The following DMD variants were observed in gnomAD, a reference collection of about 807,000 sequenced individuals.
The protein encoded by DMD is mutant dystrophin.
A neutral mutation model predicts 330.1 loss-of-function variants in DMD; 63 were observed. The ratio of observed to expected loss-of-function variants is 0.19; its 90% CI spans 0.16 to 0.24. The LOEUF (loss-of-function observed/expected upper bound fraction) is 0.24. Among genes scored for constraint, DMD ranks in the 10% least tolerant of loss-of-function variants. DMD has a pLI of 1.00. For missense variants in DMD, 3,344 were observed against 2,684.1 expected, an observed-to-expected ratio of 1.25 and a Z score of -5.43; for synonymous variants, 1,223 against 959.8, an observed-to-expected ratio of 1.27 and a Z score of -5.07.
chrX:32,880,987 G>A (rs1485910708), intron 2 of DMD, among the ~76,000 whole-genome samples: 1 of 112,826 alleles, frequency 8.9e-6, no homozygotes, highest in Non-Finnish European at 1.9e-5. Context: ...TTTCAAACCT[G>A]TAATCTGATG....
intron 9 of DMD, among the ~76,000 whole-genome samples, chrX:32,667,163 T>G (rs1431263017): frequency 9.0e-6 from 1 of 111,432 alleles, no homozygotes; most frequent in East Asian, 2.8e-4. Context: ...AATTTAAACC[T>G]TGGATGACAT....
At chrX:33,300,825 A>T (rs2053650465) in intron 1 of DMD, among the ~76,000 whole-genome samples, 1 of 111,918 alleles carries the variant, frequency 8.9e-6, no homozygotes, top group African/African-American at 3.2e-5. Flanking sequence ...TTTTGGCAGT[A>T]ATTGCTGTCT....
At chrX:32,388,789 T>C (rs1056466533) in intron 32 of DMD, among the ~76,000 whole-genome samples, 7 of 111,101 alleles carry the variant, frequency 6.3e-5, no homozygotes, top group African/African-American at 2.0e-4. Flanking sequence ...GTTATAATAA[T>C]ACTTATGTTA....
At chrX:32,860,698 T>C (rs2082012406) in intron 2 of DMD, among the ~76,000 whole-genome samples, 2 of 110,907 alleles carry the variant, frequency 1.8e-5, no homozygotes, top group South Asian at 3.9e-4. Context: ...GCTCAATGAA[T>C]TGTCACAAAC....
intron 18 of DMD, among the ~76,000 whole-genome samples, chrX:32,503,907 G>C (rs758178238): frequency 1.8e-5 from 2 of 111,822 alleles, no homozygotes; most frequent in African/African-American, 6.5e-5. Context: ...CTAAGTGGGA[G>C]ACCTGACGAT....
rs1380584301 is a variant in DMD at position 31,317,656 on chromosome X, C to T, written c.9224+5942G>A. ...CCTCCCAAGTAGCTGGGACTACAGG[C>T]GCCCGCCACCACGCCCAGCTAATTT... On this transcript the variant is annotated intron_variant, in intron 62 of 78. Coordinates refer to ENST00000357033, the MANE Select transcript of DMD (RefSeq NM_004006.3). Among the ~76,000 whole-genome samples, 8 of 109,104 alleles carry T rather than the reference C, an allele frequency of 7.3e-5. No individual in the cohort carries two copies. The East Asian group carries it at 8.6e-4, about 12-fold the overall frequency. 94.7% of individuals were successfully genotyped at this position (109,104 alleles called of 115,157 possible).
intron 55 of DMD, among the ~76,000 whole-genome samples, chrX:31,526,183 A>G (rs1171608544): frequency 2.7e-5 from 3 of 112,477 alleles, no homozygotes; most frequent in Non-Finnish European, 3.8e-5. Flanking sequence ...AAGTGTTTCC[A>G]TGTTTCCGAA....
intron 50 of DMD, among the ~76,000 whole-genome samples, chrX:31,804,344 G>A (rs1343142283): frequency 2.7e-5 from 3 of 111,447 alleles, no homozygotes; most frequent in East Asian, 2.8e-4. Context: ...TTGTTTCCAC[G>A]TGCCAAGTAT....
chrX:33,200,005 T>C (rs1603412332), intron 1 of DMD, among the ~76,000 whole-genome samples: 2 of 111,207 alleles, frequency 1.8e-5, no homozygotes, highest in African/African-American at 6.5e-5. Flanking sequence ...GAAAAGAGAA[T>C]CTCAATATCT....
rs768043881 is a variant in DMD, at chrX:32,839,323, C to A, written c.264+5460G>T. Among the ~76,000 whole-genome samples, 5 of 111,774 alleles carry A rather than the reference C, an allele frequency of 4.5e-5. No homozygotes were observed. In the East Asian group the frequency reaches 1.4e-3, roughly 32 times the overall value. On this transcript the variant is annotated intron_variant, in intron 4 of 78. Transcript: ENST00000357033. Reference sequence around the variant, plus strand: ...AATTCCAAGGCTCACTCCCTTTCTCCAGGTCTCTGCTCATATAGGAACTGA... The same window carrying A: ...AATTCCAAGGCTCACTCCCTTTCTCAAGGTCTCTGCTCATATAGGAACTGA...
At chrX:32,336,908 T>C (rs888956468) in intron 41 of DMD, among the ~76,000 whole-genome samples, 2 of 111,445 alleles carry the variant, frequency 1.8e-5, no homozygotes, top group East Asian at 5.7e-4. Context: ...AAAGTGTGAG[T>C]AACAGAAGTG....
chrX:32,408,190 T>C (rs1377324925), intron 30 of DMD, among the ~76,000 whole-genome samples: 1 of 111,992 alleles, frequency 8.9e-6, no homozygotes, highest in African/African-American at 3.2e-5. Context: ...CAACACATGC[T>C]GTTACATCCT....
rs72468654 is a variant in DMD at position 32,412,495 on chromosome X, T to A, written c.4072-582A>T. 5.1e-3 allele frequency among the ~76,000 whole-genome samples: 573 copies of A among 112,413 alleles called. 5 individuals carry two copies. The highest frequency in any genetic ancestry group is 0.018 in the African/African-American group (555 of 31,001). On this transcript the variant is annotated intron_variant, in intron 29 of 78. Coordinates refer to ENST00000357033, the MANE Select transcript of DMD (RefSeq NM_004006.3). ...TTCACAATTTGGATTACAGAAATTG[T>A]TTGTACAATTGGGTTTATGTTACTG...
intron 76 of DMD, among the ~76,000 whole-genome samples, chrX:31,145,240 T>C (rs1305925212): frequency 8.9e-6 from 1 of 112,198 alleles, no homozygotes; most frequent in Non-Finnish European, 1.9e-5. Flanking sequence ...GCATTTATAG[T>C]GACCCAATGG....
chrX:32,400,416 TC>T (rs1245253530), intron 30 of DMD, among the ~76,000 whole-genome samples: 11 of 111,503 alleles, frequency 9.9e-5, no homozygotes, highest in African/African-American at 3.6e-4. Context: ...GGTCTAAAAT[TC>T]TCTTTTTTGG....
chrX:31,120,911 G>C lies in DMD; in HGVS notation c.*1008C>G, dbSNP rs767629745. On this transcript the variant is annotated 3_prime_UTR_variant, in exon 79 of 79. Transcript: ENST00000357033. ...AACCAACCAACCGATTACTCACTCT[G>C]ATATAATAAGTCCTGTGTATTCATT... 9.0e-6 allele frequency: 1 copy of C among 110,956 alleles called. No individual in the cohort carries two copies. The highest frequency in any genetic ancestry group is 2.8e-4 in the East Asian group (1 of 3,555). 9.1% of individuals were successfully genotyped at this position (110,956 alleles called of 1,213,427 possible).
chrX:32,075,147 G>A (rs942440232), intron 44 of DMD, among the ~76,000 whole-genome samples: 1 of 111,790 alleles, frequency 8.9e-6, no homozygotes, highest in Non-Finnish European at 1.9e-5. Context: ...TCATTTTTCT[G>A]TCTCATTTCC....
intron 50 of DMD, among the ~76,000 whole-genome samples, chrX:31,815,220 C>G (rs780839731): frequency 1.8e-5 from 2 of 112,176 alleles, no homozygotes; most frequent in South Asian, 7.4e-4. Context: ...GAGGCTGAGG[C>G]AGGTGGATCA....
At chrX:32,668,980 T>C (rs1286516269) in intron 9 of DMD, among the ~76,000 whole-genome samples, 1 of 111,481 alleles carries the variant, frequency 9.0e-6, no homozygotes, top group Non-Finnish European at 1.9e-5. Context: ...ATACCACATA[T>C]TTTATATAGC....
Sources: gnomAD v4.1 joint callset for allele counts (sites outside exome capture counted in the v4.1 genomes callset) on GRCh38, gnomAD v4.1.1 for gene constraint, MANE v1.5 for transcripts, NCBI Gene and HGNC (gene_info 2026-07-23, HGNC 2026-07-21) for gene names.